The following MEF2C variants were observed in gnomAD, a reference collection of about 807,000 sequenced individuals.
MEF2C encodes the protein myocyte-specific enhancer factor 2C.
Under a neutral mutation model 50.5 loss-of-function variants are expected in MEF2C, and 6 were observed. The observed-to-expected ratio is 0.12, with a 90% CI of 0.07 to 0.23. The LOEUF is 0.23. MEF2C is among the 10% of genes least tolerant of loss of function. The pLI is 1.00. For synonymous variants in MEF2C, 183 were observed against 228.0 expected, an observed-to-expected ratio of 0.80 and a Z score of 1.78; for missense variants, 276 against 605.0, an observed-to-expected ratio of 0.46 and a Z score of 5.70.
chr5:88,885,429 T>G (rs1365816468), upstream of MEF2C, among the ~76,000 whole-genome samples: 1 of 152,240 alleles, frequency 6.6e-6, no homozygotes, highest in Non-Finnish European at 1.5e-5. Context: ...ATTATAGGAA[T>G]GCATCACAAA....
In MEF2C at chr5:88,761,195, T is replaced by G; in HGVS notation, c.392A>C (p.Gln131Pro). The change falls in exon 4 of 11, where the codon CAA becomes CCA. Residue 131 changes from glutamine to proline, a missense_variant. By Grantham distance (76) the Gln-to-Pro change is moderately conservative. Coordinates refer to ENST00000504921, the MANE Select transcript of MEF2C (RefSeq NM_002397.5). ...NEDIDLMISRQRLCAVPPPNF... is the reference protein window; with the variant it reads ...NEDIDLMISRPRLCAVPPPNF... ...GTTCTGAGTACTTACACACAATCTT[T>G]GCCTGCTGATCATTAGATCAATATC... 2 of 1,614,046 alleles carry G rather than the reference T, an allele frequency of 1.2e-6. No individual in the cohort carries two copies. The highest frequency in any genetic ancestry group is 1.7e-6 in the Non-Finnish European group (2 of 1,179,904).
intron 1 of MEF2C, among the ~76,000 whole-genome samples, chr5:88,840,098 G>A (rs1377362633): frequency 6.6e-6 from 1 of 152,006 alleles, no homozygotes; most frequent in African/African-American, 2.4e-5. Flanking sequence ...AGATAATACC[G>A]TACCCAAATT....
chr5:88,881,337 C>T (rs1256301245), intron 1 of MEF2C: 1 of 152,140 alleles, frequency 6.6e-6, no homozygotes, highest in Non-Finnish European at 1.5e-5. Flanking sequence ...AGTTCTGAGT[C>T]TTGCTTTAGA....
intron 2 of MEF2C, among the ~76,000 whole-genome samples, chr5:88,810,793 A>T (rs1004018072): frequency 6.6e-6 from 1 of 152,112 alleles, no homozygotes; most frequent in Admixed American, 6.6e-5. Flanking sequence ...AGATGGGTAT[A>T]TAGGAAGGCA....
intron 3 of MEF2C, among the ~76,000 whole-genome samples, chr5:88,797,455 C>CTTTTTTTTTTTTTTTTT (rs879036291): frequency 7.9e-5 from 5 of 63,312 alleles, no homozygotes; most frequent in South Asian, 4.9e-4. Flanking sequence ...CAACCCTTGC[C>CTTTTTTTTTTTTTTTTT]TTTTTTTTTT....
At chr5:88,729,187 T>A (rs369444496) in intron 9 of MEF2C, 31 bp downstream of exon 9, 2 of 1,611,322 alleles carry the variant, frequency 1.2e-6, no homozygotes, top group African/African-American at 1.3e-5. Context: ...AAGTATTTAG[T>A]GTACTAATTG....
chr5:88,861,084 A>G (rs912427586), intron 1 of MEF2C, among the ~76,000 whole-genome samples: 6 of 152,236 alleles, frequency 3.9e-5, no homozygotes, highest in South Asian at 2.1e-4. Flanking sequence ...TTTTCCTGTC[A>G]TAACTTAAGA....
chr5:88,893,386 C>G (rs1834796216), intron 1 of MEF2C, among the ~76,000 whole-genome samples: 1 of 150,832 alleles, frequency 6.6e-6, no homozygotes, highest in Admixed American at 6.6e-5. Context: ...TCTTGGCTCA[C>G]TGCAACCTCT....
At chr5:88,852,231 T>A (rs1265250342) in intron 1 of MEF2C, among the ~76,000 whole-genome samples, 1 of 152,190 alleles carries the variant, frequency 6.6e-6, no homozygotes, top group Non-Finnish European at 1.5e-5. Context: ...ATACTTTAAA[T>A]CTTTTCTATA....
intron 2 of MEF2C, among the ~76,000 whole-genome samples, chr5:88,812,802 G>C (rs2153139164): frequency 6.6e-6 from 1 of 152,152 alleles, no homozygotes; most frequent in South Asian, 2.1e-4. Flanking sequence ...TTCACACAAA[G>C]TGCATCTTTC....
rs1340684413 is a variant in MEF2C at position 88,718,936 on chromosome 5, A to T, written c.*3668T>A. On this transcript the variant is annotated 3_prime_UTR_variant, in exon 11 of 11. Transcript: ENST00000504921. ...GCAGGAAATTAACGCCATAAAAGTG[A>T]CGACATCACGGCAGATGGCACAAAT... The T allele has an allele frequency of 6.6e-6, 1 of 152,238 alleles. No individual in the cohort carries two copies. The highest frequency in any genetic ancestry group is 2.4e-5 in the African/African-American group (1 of 41,462). The allele number at this position is 152,238 out of a possible 1,614,324, so 9.4% of individuals were successfully genotyped here.
At chr5:88,902,368 A>G (rs1835755274) in intron 1 of MEF2C, among the ~76,000 whole-genome samples, 1 of 151,962 alleles carries the variant, frequency 6.6e-6, no homozygotes, top group Non-Finnish European at 1.5e-5. Flanking sequence ...TTTGAAATAT[A>G]TATGTAACAA....
intron 1 of MEF2C, among the ~76,000 whole-genome samples, chr5:88,899,861 A>G (rs971971798): frequency 2.0e-5 from 3 of 152,206 alleles, no homozygotes; most frequent in African/African-American, 4.8e-5. Flanking sequence ...AAATTTAGAT[A>G]TACAATTTAG....
chr5:88,886,650 T>G (rs1324852145), upstream of MEF2C, among the ~76,000 whole-genome samples: 2 of 152,242 alleles, frequency 1.3e-5, no homozygotes, highest in African/African-American at 2.4e-5. Flanking sequence ...GGGATTGATG[T>G]ACTACTGTAC....
chr5:88,744,157 C>A (rs756717809), intron 6 of MEF2C: 13 of 984,510 alleles, frequency 1.3e-5, no homozygotes, highest in Non-Finnish European at 1.6e-5. Context: ...TAATCCAACA[C>A]AAGGCATTGC....
chr5:88,730,226 A>G lies in MEF2C; in HGVS notation c.819T>C (p.Asp273=). The change falls in exon 8 of 11, where the codon GAT becomes GAC. Residue 273 remains aspartate (D), a synonymous_variant. Transcript: ENST00000504921. ...SKNTMPSVSE[D]VDLLLNQRIN... is the part of the protein sequence containing the mutation. ...CACCACTTACCAAAAGCAGGTCGAC[A>G]TCCTCAGACTGAGAGCATGCGGAAG... is the stretch of plus-strand genomic sequence containing the variant. The G allele has an allele frequency of 6.3e-7, 1 of 1,581,846 alleles. No individual in the cohort carries two copies. The highest frequency in any genetic ancestry group is 8.6e-7 in the Non-Finnish European group (1 of 1,162,708).
intron 10 of MEF2C, 149 bp downstream of exon 10, chr5:88,728,344 G>T: frequency 1.7e-6 from 1 of 602,080 alleles, no homozygotes; most frequent in Non-Finnish European, 2.5e-6. Flanking sequence ...TAAGCTACTT[G>T]AAAAGTATTG....
intron 2 of MEF2C, among the ~76,000 whole-genome samples, chr5:88,817,307 G>A (rs1448345467): frequency 2.6e-5 from 4 of 151,940 alleles, no homozygotes; most frequent in Non-Finnish European, 5.9e-5. Context: ...AGTCACTTGA[G>A]GGAATCTATA....
intron 10 of MEF2C, among the ~76,000 whole-genome samples, chr5:88,723,174 C>T (rs560266174): frequency 5.9e-5 from 9 of 152,208 alleles, no homozygotes; most frequent in Admixed American, 3.3e-4. Flanking sequence ...CTCTAGTCTC[C>T]GAGAGGCTCC....
Sources: gnomAD v4.1 joint callset for allele counts (sites outside exome capture counted in the v4.1 genomes callset) on GRCh38, gnomAD v4.1.1 for gene constraint, MANE v1.5 for transcripts, NCBI Gene and HGNC (gene_info 2026-07-23, HGNC 2026-07-21) for gene names.